The following RYR2 variants were observed in gnomAD, a reference collection of about 807,000 sequenced individuals.
RYR2 encodes cardiac muscle ryanodine receptor-calcium release channel.
RYR2 carries 227 observed loss-of-function variants against 601.1 expected under a neutral mutation model. The observed-to-expected ratio is 0.38, with a 90% confidence interval of 0.34 to 0.42. The LOEUF is 0.42. Ranked by LOEUF, RYR2 falls within the 10% of genes least tolerant of loss-of-function variation. The probability of loss-of-function intolerance (pLI) is 1.00; values close to 1 mark genes in which losing one functional copy is unlikely to be tolerated. For missense variants in RYR2, 4,646 were observed against 6,156.5 expected (o/e 0.75, Z 8.21); for synonymous variants, 2,223 against 2,175.1 (o/e 1.02, Z -0.61).
intron 7 of RYR2, among the ~76,000 whole-genome samples, chr1:237,376,367 A>G (rs10925390): frequency 0.16 from 24,756 of 152,114 alleles, 2,246 homozygotes; most frequent in East Asian, 0.39. Context: ...GAGGGCCTAT[A>G]ATAGGCTAGC....
At chr1:237,777,212 C>G (rs773921345) in intron 87 of RYR2, among the ~76,000 whole-genome samples, 1 of 152,104 alleles carries the variant, frequency 6.6e-6, no homozygotes, top group Admixed American at 6.6e-5. Flanking sequence ...AATTTCAACC[C>G]CTTTGTATCC....
Position 237,756,271 on chromosome 1 carries a change from T to C in RYR2, c.11146-17T>C. 4 of 1,557,862 alleles carry C rather than the reference T, an allele frequency of 2.6e-6. No individual in the cohort carries two copies. Among genetic ancestry groups the C allele is most frequent in the Non-Finnish European group, 3.5e-6 (4 of 1,129,120 alleles). On this transcript the variant is annotated splice_polypyrimidine_tract_variant and intron_variant, in intron 80 of 104. Transcript: ENST00000366574. The stretch of plus-strand genomic sequence containing the variant: ...TTACTGATACCCTCAACATAAATGG[T>C]TGGGATTTGTGTTCAGGAAAAAGAA...
intron 1 of RYR2, among the ~76,000 whole-genome samples, chr1:237,131,102 G>A (rs1010277052): frequency 6.6e-6 from 1 of 152,162 alleles, no homozygotes; most frequent in Non-Finnish European, 1.5e-5. Flanking sequence ...AGGGTCTGCT[G>A]AAAGGGAAGG....
In RYR2 at chr1:237,779,592, C is replaced by T. The variant is rs143900387; in HGVS notation, c.11880+822C>T. On this transcript the variant is annotated intron_variant, in intron 88 of 104. Coordinates refer to ENST00000366574, the MANE Select transcript of RYR2 (RefSeq NM_001035.3). Reference sequence around the variant, plus strand: ...GTCTCTCTTCCCTGAGGCCTTGTTTCTCTGCAGTAAAGTGAAGAACCTATC... The same window carrying T: ...GTCTCTCTTCCCTGAGGCCTTGTTTTTCTGCAGTAAAGTGAAGAACCTATC... 1.1e-3 allele frequency among the ~76,000 whole-genome samples: 166 copies of T among 152,290 alleles called. 1 individual carries two copies. The highest frequency in any genetic ancestry group is 3.5e-3 in the African/African-American group (145 of 41,568).
At chr1:237,620,305 A>G (rs1678934207) in intron 38 of RYR2, among the ~76,000 whole-genome samples, 1 of 152,142 alleles carries the variant, frequency 6.6e-6, no homozygotes, top group African/African-American at 2.4e-5. Flanking sequence ...ATATAAAATA[A>G]TACTCAGAGC....
At chr1:237,474,027 G>C (rs1661082967) in intron 17 of RYR2, among the ~76,000 whole-genome samples, 1 of 151,898 alleles carries the variant, frequency 6.6e-6, no homozygotes, top group Admixed American at 6.6e-5. Flanking sequence ...ATATGGAAAG[G>C]GGAAAGACGT....
At chr1:237,073,285 C>T (rs778475665) in intron 1 of RYR2, among the ~76,000 whole-genome samples, 13 of 152,106 alleles carry the variant, frequency 8.5e-5, no homozygotes, top group Non-Finnish European at 1.5e-4. Flanking sequence ...CAAGGAAGAT[C>T]GTGCCAGGTA....
At chr1:237,100,446 G>T (rs568008842) in intron 1 of RYR2, among the ~76,000 whole-genome samples, 1 of 151,398 alleles carries the variant, frequency 6.6e-6, no homozygotes. Context: ...GAGTGCAGTG[G>T]TGTGATCTCG....
chr1:237,180,662 G>A lies in RYR2; in HGVS notation c.49-89835G>A, dbSNP rs1283398370. 1.6e-5 allele frequency among the ~76,000 whole-genome samples: 2 copies of A among 127,156 alleles called. No individual in the cohort carries two copies. Among genetic ancestry groups the A allele is most frequent in the African/African-American group, 3.0e-5 (1 of 33,326 alleles). The allele number at this position is 127,156 out of a possible 152,430, so 83.4% of individuals were successfully genotyped here. ...TATGTATATGTATATGTGTATATATGTATACATGTGTATATATGTGTATAT... is the reference window on the plus strand; with the variant it reads ...TATGTATATGTATATGTGTATATATATATACATGTGTATATATGTGTATAT... On this transcript the variant is annotated intron_variant, in intron 1 of 104. Transcript: ENST00000366574. The surrounding 1 kb of genome is among the most constrained non-coding windows in gnomAD (Gnocchi z 5.3).
chr1:237,071,405 G>A (rs1436576941), intron 1 of RYR2, among the ~76,000 whole-genome samples: 5 of 151,992 alleles, frequency 3.3e-5, no homozygotes, highest in Non-Finnish European at 7.4e-5. Flanking sequence ...TCTATTTTTA[G>A]TAGAGACAAG....
rs1262778650 is a variant in RYR2 at position 237,060,670 on chromosome 1, A to G, written c.48+18101A>G. Among the ~76,000 whole-genome samples, 6 of 152,298 alleles carry G rather than the reference A, an allele frequency of 3.9e-5. No homozygotes were observed. The South Asian group carries it at 1.2e-3, about 32-fold the overall frequency. On this transcript the variant is annotated intron_variant, in intron 1 of 104. Transcript: ENST00000366574. ...TTTGTGCAAATGGAATGACAATGCA[A>G]TATGCACTCTTTTGTGTCTAGTTTC...
chr1:237,287,435 G>T (rs1215469777), intron 2 of RYR2, among the ~76,000 whole-genome samples: 1 of 152,080 alleles, frequency 6.6e-6, no homozygotes, highest in Non-Finnish European at 1.5e-5. Context: ...TCTTCCTCAG[G>T]AACACTGATT....
At chr1:237,789,436 C>G (rs1463166939) in intron 92 of RYR2, among the ~76,000 whole-genome samples, 1 of 143,040 alleles carries the variant, frequency 7.0e-6, no homozygotes, top group Non-Finnish European at 1.5e-5. Context: ...ATACAGAGTT[C>G]ACTGAACAGA....
chr1:237,621,741 A>G (rs1679098691), intron 38 of RYR2, among the ~76,000 whole-genome samples: 1 of 152,334 alleles, frequency 6.6e-6, no homozygotes, highest in East Asian at 1.9e-4. Context: ...TACAATTAAT[A>G]TTTACCAATT....
chr1:237,242,954 G>A (rs1409879335), intron 1 of RYR2, among the ~76,000 whole-genome samples: 1 of 152,168 alleles, frequency 6.6e-6, no homozygotes, highest in African/African-American at 2.4e-5. Context: ...GCTCAAGTAT[G>A]ACTTTTTCCA....
rs1323847896 is a variant in RYR2 at position 237,062,072 on chromosome 1, C to T, written c.48+19503C>T. Among the ~76,000 whole-genome samples the T allele has an allele frequency of 2.6e-5, 4 of 152,172 alleles. No homozygotes were observed. In the East Asian group the frequency reaches 7.7e-4, roughly 29 times the overall value. On this transcript the variant is annotated intron_variant, in intron 1 of 104. Coordinates refer to ENST00000366574, the MANE Select transcript of RYR2 (RefSeq NM_001035.3). The stretch of plus-strand genomic sequence containing the variant: ...AAGCAGGGATATCTATTACTTGACT[C>T]TCTTTTATTTCATTGGTCTATTTGT...
At chr1:237,703,611 AT>A (rs1232737011) in intron 66 of RYR2, among the ~76,000 whole-genome samples, 37 of 146,680 alleles carry the variant, frequency 2.5e-4, no homozygotes, top group African/African-American at 8.7e-4. Flanking sequence ...AAACATATAT[AT>A]ATATATAAAA....
In RYR2 at chr1:237,648,586, T is replaced by C; in HGVS notation, c.7485T>C (p.Asp2495=). The change falls in exon 49 of 105, where the codon GAT becomes GAC. Residue 2495 remains aspartate, a synonymous_variant. Coordinates refer to ENST00000366574, the MANE Select transcript of RYR2 (RefSeq NM_001035.3). ...LHLLEVGFLP[D]LRAAASLDTA... Reference sequence around the variant, plus strand: ...TTCTTGAGGTTGGCTTTCTGCCAGATCTCCGGGCGGCTGCTTCTTTAGATA... The same window carrying C: ...TTCTTGAGGTTGGCTTTCTGCCAGACCTCCGGGCGGCTGCTTCTTTAGATA... The C allele has an allele frequency of 6.2e-7, 1 of 1,610,554 alleles. No homozygotes were observed. The highest frequency in any genetic ancestry group is 8.5e-7 in the Non-Finnish European group (1 of 1,178,252).
At chr1:237,757,149 T>C (rs1289799751) in intron 81 of RYR2, among the ~76,000 whole-genome samples, 2 of 152,096 alleles carry the variant, frequency 1.3e-5, no homozygotes, top group Non-Finnish European at 2.9e-5. Flanking sequence ...TAAATAGAAG[T>C]GAACAATGAA....
Sources: gnomAD v4.1 joint callset for allele counts (sites outside exome capture counted in the v4.1 genomes callset) on GRCh38, gnomAD v4.1.1 for gene constraint, Gnocchi (gnomAD v3.1) non-coding constraint, MANE v1.5 for transcripts, NCBI Gene and HGNC (gene_info 2026-07-23, HGNC 2026-07-21) for gene names.